Variants in EXOC6B observed in about 807,000 individuals in gnomAD.
EXOC6B encodes the protein SEC15 homolog B.
In EXOC6B, 54 loss-of-function variants were observed where a neutral mutation model predicts 113.5. The observed-to-expected ratio is 0.48, with a 90% CI of 0.38 to 0.60. EXOC6B has a LOEUF of 0.60. EXOC6B is among the 20% of genes least tolerant of loss of function. EXOC6B has a pLI of 0.00. For missense variants in EXOC6B, 797 were observed against 977.5 expected (o/e 0.82, Z 2.46); for synonymous variants, 357 against 339.0 (o/e 1.05, Z -0.58).
rs957791331 is a variant in EXOC6B, at chr2:72,699,309, C to A, written c.669+18794G>T. On this transcript the variant is annotated intron_variant, in intron 6 of 21. Transcript: ENST00000272427. ...CCTGGCTGAGATGATGAAACCCTGT[C>A]TCTACTAAAAATACGAAAAATTAGC... is the stretch of plus-strand genomic sequence containing the variant. Among the ~76,000 whole-genome samples, 3 of 152,064 alleles carry A rather than the reference C, an allele frequency of 2.0e-5. No individual in the cohort carries two copies. The South Asian group carries it at 6.2e-4, about 32-fold the overall frequency.
intron 20 of EXOC6B, among the ~76,000 whole-genome samples, chr2:72,292,049 AAT>A (rs922525635): frequency 6.6e-6 from 1 of 152,150 alleles, no homozygotes; most frequent in Non-Finnish European, 1.5e-5. Context: ...CAGGCTCTGT[AAT>A]AGTGTTTTCT....
chr2:72,293,422 T>G (rs1321039878), intron 20 of EXOC6B, among the ~76,000 whole-genome samples: 1 of 152,138 alleles, frequency 6.6e-6, no homozygotes, highest in Non-Finnish European at 1.5e-5. Context: ...ATCCTACTGG[T>G]TAATATCAGA....
chr2:72,562,225 C>T (rs1703928614), intron 7 of EXOC6B, among the ~76,000 whole-genome samples: 1 of 152,094 alleles, frequency 6.6e-6, no homozygotes, highest in Middle Eastern at 3.4e-3. Context: ...AGAAGAGCAA[C>T]ATACATTGGA....
Position 72,184,093 on chromosome 2 carries a change from G to A in EXOC6B, c.2291C>T (p.Ala764Val). ...CKYLRVNPVT[A>V]LTLLEKMKDT... ...TACTCACTTCTCAAGCAGGGTCAGA[G>A]CAGTCACTGGGTTTACCCGGAGGTA... The change falls in exon 21 of 22, where the codon GCT (alanine) becomes GTT (valine). Residue 764 changes from alanine (A) to valine (V), a missense_variant. Coordinates refer to ENST00000272427, the MANE Select transcript of EXOC6B (RefSeq NM_015189.3). 6.4e-7 allele frequency: 1 copy of A among 1,560,068 alleles called. No homozygotes were observed. Among genetic ancestry groups the A allele is most frequent in the Non-Finnish European group, 8.7e-7 (1 of 1,150,084 alleles).
At chr2:72,261,392 T>C (rs1342118684) in intron 20 of EXOC6B, among the ~76,000 whole-genome samples, 1 of 152,218 alleles carries the variant, frequency 6.6e-6, no homozygotes, top group Non-Finnish European at 1.5e-5. Context: ...GTTTAAAAAG[T>C]ACAGATCTTT....
At chr2:72,337,358 T>C (rs1320543429) in intron 19 of EXOC6B, among the ~76,000 whole-genome samples, 1 of 152,284 alleles carries the variant, frequency 6.6e-6, no homozygotes, top group South Asian at 2.1e-4. Flanking sequence ...ATCTGAAGAC[T>C]TCTCTGTCAG....
Position 72,733,057 on chromosome 2 carries a change from T to G in EXOC6B, c.327+14A>C, listed in dbSNP as rs1424059890. The G allele has an allele frequency of 6.4e-7, 1 of 1,567,138 alleles. No homozygotes were observed. The highest frequency in any genetic ancestry group is 1.2e-5 in the South Asian group (1 of 86,320). Reference sequence around the variant, plus strand: ...AAACAGAAAAGATTTCTTCAAAAGGTAAACTGGTCTTACTTCCTTTCCCTC... The same window carrying G: ...AAACAGAAAAGATTTCTTCAAAAGGGAAACTGGTCTTACTTCCTTTCCCTC... On this transcript the variant is annotated intron_variant, in intron 3 of 21. Coordinates refer to ENST00000272427, the MANE Select transcript of EXOC6B (RefSeq NM_015189.3).
At chr2:72,299,054 TC>T (rs1686335335) in intron 20 of EXOC6B, among the ~76,000 whole-genome samples, 1 of 152,144 alleles carries the variant, frequency 6.6e-6, no homozygotes, top group South Asian at 2.1e-4. Context: ...GGGGAAGTCC[TC>T]CTGGATAATA....
At chr2:72,568,593 G>C (rs1034778477) in intron 7 of EXOC6B, among the ~76,000 whole-genome samples, 1 of 151,812 alleles carries the variant, frequency 6.6e-6, no homozygotes, top group Non-Finnish European at 1.5e-5. Context: ...TTTTCAGAGA[G>C]AGGAAGCGTC....
At chr2:72,696,222 G>C (rs774521205) in intron 6 of EXOC6B, among the ~76,000 whole-genome samples, 7 of 152,136 alleles carry the variant, frequency 4.6e-5, no homozygotes, top group Non-Finnish European at 1.0e-4. Flanking sequence ...CTATATTGCA[G>C]ATTATAGGTG....
chr2:72,793,068 T>C (rs1293976971), intron 1 of EXOC6B, among the ~76,000 whole-genome samples: 2 of 152,208 alleles, frequency 1.3e-5, no homozygotes, highest in African/African-American at 4.8e-5. Context: ...ATGAACATAC[T>C]ATAATTTATT....
At chr2:72,353,706 A>G (rs1164774605) in intron 19 of EXOC6B, among the ~76,000 whole-genome samples, 1 of 151,888 alleles carries the variant, frequency 6.6e-6, no homozygotes. Flanking sequence ...GTTTCTTAAA[A>G]TTTCTAGTAA....
intron 6 of EXOC6B, among the ~76,000 whole-genome samples, chr2:72,580,958 T>G (rs1705184567): frequency 6.6e-6 from 1 of 152,240 alleles, no homozygotes; most frequent in South Asian, 2.1e-4. Flanking sequence ...CTCTCCCACC[T>G]TCTCTTTTCA....
intron 18 of EXOC6B, among the ~76,000 whole-genome samples, chr2:72,422,258 C>T (rs962961625): frequency 9.2e-5 from 14 of 152,228 alleles, no homozygotes; most frequent in Non-Finnish European, 1.5e-4. Context: ...AGCCCCAGTG[C>T]GGGATCCACT....
chr2:72,692,038 T>C (rs1237594573), intron 6 of EXOC6B, among the ~76,000 whole-genome samples: 1 of 152,104 alleles, frequency 6.6e-6, no homozygotes, highest in Admixed American at 6.5e-5. Context: ...ACATACTGTA[T>C]AGTAACTTGT....
intron 8 of EXOC6B, among the ~76,000 whole-genome samples, chr2:72,543,167 G>C (rs1426068281): frequency 6.6e-6 from 1 of 152,108 alleles, no homozygotes; most frequent in Non-Finnish European, 1.5e-5. Flanking sequence ...CTGTGAGTAA[G>C]CAGGAGGAAA....
intron 1 of EXOC6B, among the ~76,000 whole-genome samples, chr2:72,780,112 T>G (rs947577963): frequency 2.0e-5 from 3 of 152,204 alleles, no homozygotes; most frequent in Non-Finnish European, 4.4e-5. Context: ...AACCATTACA[T>G]GTATTATTTT....
chr2:72,481,152 C>A (rs1699065584), intron 16 of EXOC6B, among the ~76,000 whole-genome samples: 1 of 152,160 alleles, frequency 6.6e-6, no homozygotes, highest in Non-Finnish European at 1.5e-5. Flanking sequence ...TGAAGAAGTT[C>A]TTTGCTTCCC....
At chr2:72,466,338 C>A (rs1441580556) in intron 17 of EXOC6B, among the ~76,000 whole-genome samples, 1 of 143,380 alleles carries the variant, frequency 7.0e-6, no homozygotes, top group African/African-American at 2.5e-5. Context: ...GAGCAAGACT[C>A]CACCTCAAAA....
Sources: allele counts gnomAD v4.1 joint callset (sites outside exome capture counted in the v4.1 genomes callset), GRCh38; gene constraint gnomAD v4.1.1; transcripts MANE v1.5; gene names NCBI Gene and HGNC (gene_info 2026-07-23, HGNC 2026-07-21).